The following CFAP299 variants were observed in gnomAD, a reference collection of about 807,000 sequenced individuals.
The protein encoded by CFAP299 is cilia and flagella associated protein 299, also known as cilia- and flagella-associated protein 299.
Under a neutral mutation model 27.0 loss-of-function variants are expected in CFAP299, and 21 were observed. That is an observed-to-expected ratio of 0.78 (90% CI 0.55 to 1.12). CFAP299 has a LOEUF of 1.12. CFAP299 is among the 50% of genes most tolerant of loss of function. The pLI is 0.00. For missense variants in CFAP299, 310 were observed against 276.6 expected (o/e 1.12, Z -0.86); for synonymous variants, 104 against 98.1 (o/e 1.06, Z -0.36).
intron 4 of CFAP299, among the ~76,000 whole-genome samples, chr4:80,908,264 G>T (rs1241462939): frequency 6.6e-6 from 1 of 152,214 alleles, no homozygotes; most frequent in Admixed American, 6.5e-5. Flanking sequence ...ACTTCAGGTA[G>T]TGCATAAATC....
intron 3 of CFAP299, among the ~76,000 whole-genome samples, chr4:80,660,287 A>G (rs1045107146): frequency 2.0e-5 from 3 of 152,026 alleles, no homozygotes; most frequent in Middle Eastern, 3.4e-3. Context: ...AATGGCGGGG[A>G]CTGTTGTAAA....
In CFAP299 at chr4:80,610,452, C is replaced by G. The variant is rs1737907577; in HGVS notation, c.333+27269C>G. On this transcript the variant is annotated intron_variant, in intron 3 of 5. Transcript: ENST00000358105. The stretch of plus-strand genomic sequence containing the variant: ...AAATAGCCACTTCTCATTTTTGTCT[C>G]CCATTCTATCTTCTGTCTTTCCTAG... 2.0e-5 allele frequency among the ~76,000 whole-genome samples: 3 copies of G among 152,004 alleles called. No individual in the cohort carries two copies. In the South Asian group the frequency reaches 6.2e-4, roughly 31 times the overall value.
At chr4:80,731,931 GT>G (rs1235433756) in intron 3 of CFAP299, among the ~76,000 whole-genome samples, 1 of 152,020 alleles carries the variant, frequency 6.6e-6, no homozygotes, top group Non-Finnish European at 1.5e-5. Context: ...AGTTTGTCAT[GT>G]TTTTGTTATA....
chr4:80,677,785 T>C (rs375242700), intron 3 of CFAP299, among the ~76,000 whole-genome samples: 49 of 152,192 alleles, frequency 3.2e-4, no homozygotes, highest in African/African-American at 1.1e-3. Flanking sequence ...TAAAGTTTAT[T>C]TTATAGCAGA....
At chr4:80,580,230 C>T (rs1578628115) in intron 2 of CFAP299, among the ~76,000 whole-genome samples, 2 of 152,056 alleles carry the variant, frequency 1.3e-5, no homozygotes, top group Non-Finnish European at 2.9e-5. Context: ...TAAAGATTTA[C>T]ATTCTCATGA....
chr4:80,534,488 T>G (rs931617365), intron 2 of CFAP299, among the ~76,000 whole-genome samples: 1 of 151,990 alleles, frequency 6.6e-6, no homozygotes, highest in African/African-American at 2.4e-5. Context: ...TCTTGATAAT[T>G]GGAAACAAAA....
intron 4 of CFAP299, among the ~76,000 whole-genome samples, chr4:80,909,114 C>T (rs867293079): frequency 5.3e-5 from 8 of 152,208 alleles, no homozygotes; most frequent in Middle Eastern, 3.4e-3. Flanking sequence ...AACCTGTAAT[C>T]ACTTACTTAA....
chr4:80,730,260 GTGTGTGTGTGTGTGTGTGTA>G (rs1432484753), intron 3 of CFAP299, among the ~76,000 whole-genome samples: 2 of 148,768 alleles, frequency 1.3e-5, no homozygotes, highest in African/African-American at 5.1e-5. Context: ...GTGTGTGTGT[GTGTGTGTGTGTGTGTGTGTA>G]TGTGTGTGTG....
At chr4:80,884,501 G>A (rs1278710534) in intron 4 of CFAP299, among the ~76,000 whole-genome samples, 1 of 152,072 alleles carries the variant, frequency 6.6e-6, no homozygotes, top group Non-Finnish European at 1.5e-5. Context: ...TTTATGGGAT[G>A]CAGCAAAAGC....
chr4:80,448,604 A>G (rs1430632233), intron 2 of CFAP299, among the ~76,000 whole-genome samples: 1 of 152,096 alleles, frequency 6.6e-6, no homozygotes, highest in Non-Finnish European at 1.5e-5. Context: ...TCTCTTACTA[A>G]GAGATCTAGA....
chr4:80,494,419 A>T (rs1458782779), intron 2 of CFAP299, among the ~76,000 whole-genome samples: 1 of 152,218 alleles, frequency 6.6e-6, no homozygotes. Context: ...CATATATCTG[A>T]CAAGTTAACT....
chr4:80,725,060 T>G (rs182743682), intron 3 of CFAP299, among the ~76,000 whole-genome samples: 1 of 150,424 alleles, frequency 6.6e-6, no homozygotes, highest in East Asian at 2.0e-4. Flanking sequence ...TTGTCCTGCC[T>G]CAGCCTCCTG....
chr4:80,774,446 T>C (rs914560744), intron 3 of CFAP299, among the ~76,000 whole-genome samples: 2 of 151,936 alleles, frequency 1.3e-5, no homozygotes, highest in Non-Finnish European at 2.9e-5. Context: ...TCTGCTACTA[T>C]AAAAAATGCA....
chr4:80,360,200 T>C (rs1453719751), intron 1 of CFAP299, among the ~76,000 whole-genome samples: 3 of 152,102 alleles, frequency 2.0e-5, no homozygotes, highest in Non-Finnish European at 2.9e-5. Flanking sequence ...TCCACTGAAC[T>C]GGGGGAGGAG....
chr4:80,647,529 A>G (rs767107065), intron 3 of CFAP299, among the ~76,000 whole-genome samples: 1 of 152,166 alleles, frequency 6.6e-6, no homozygotes, highest in Non-Finnish European at 1.5e-5. Flanking sequence ...CTAGACGATG[A>G]AATGACCCAT....
intron 4 of CFAP299, among the ~76,000 whole-genome samples, chr4:80,900,069 T>C (rs575771974): frequency 6.6e-6 from 1 of 150,712 alleles, no homozygotes; most frequent in East Asian, 1.9e-4. Context: ...AAAAATAGCA[T>C]GAGTAGATAA....
At chr4:80,835,953 T>C (rs1730539725) in intron 3 of CFAP299, among the ~76,000 whole-genome samples, 1 of 152,214 alleles carries the variant, frequency 6.6e-6, no homozygotes, top group South Asian at 2.1e-4. Context: ...GAGTGCAAAG[T>C]CCTTTCTATG....
At chr4:80,804,413 ATAT>A (rs1245182371) in intron 3 of CFAP299, among the ~76,000 whole-genome samples, 1 of 152,080 alleles carries the variant, frequency 6.6e-6, no homozygotes, top group African/African-American at 2.4e-5. Context: ...ACGTAGTGTG[ATAT>A]CCTCAAGGTG....
chr4:80,782,376 G>C (rs1726930775), intron 3 of CFAP299, among the ~76,000 whole-genome samples: 1 of 151,482 alleles, frequency 6.6e-6, no homozygotes, highest in African/African-American at 2.4e-5. Context: ...CATACTTTTA[G>C]TTATTTTTAA....
Sources: gnomAD v4.1 joint callset for allele counts (sites outside exome capture counted in the v4.1 genomes callset) on GRCh38, gnomAD v4.1.1 for gene constraint, MANE v1.5 for transcripts, NCBI Gene and HGNC (gene_info 2026-07-23, HGNC 2026-07-21) for gene names.